MAPKAPK2: variants seen among roughly 807,000 people sequenced by gnomAD.
MAPKAPK2 encodes the protein MAP kinase-activated protein kinase 2.
Under a neutral mutation model 48.8 loss-of-function variants are expected in MAPKAPK2, and 9 were observed. That is an observed-to-expected ratio of 0.18 (90% CI 0.11 to 0.32). The LOEUF is 0.32. Among genes scored for constraint, MAPKAPK2 ranks in the 10% least tolerant of loss-of-function variants. MAPKAPK2 has a pLI of 1.00. For synonymous variants in MAPKAPK2, 202 were observed against 190.6 expected, an observed-to-expected ratio of 1.06 and a Z score of -0.49; for missense variants, 331 against 498.3, an observed-to-expected ratio of 0.66 and a Z score of 3.20.
chr1:206,732,736 C>T lies in MAPKAPK2; in HGVS notation c.*18C>T. On this transcript the variant is annotated 3_prime_UTR_variant, in exon 10 of 10. Transcript: ENST00000367103. The surrounding 1 kb of genome is among the most constrained non-coding windows in gnomAD (Gnocchi z 4.4). ...CCCACTGAGCCACCGCGCCCTCCTG[C>T]CCACGGGAGGACAAGCAATAACTCT... 6.2e-7 allele frequency: 1 copy of T among 1,613,482 alleles called. No homozygotes were observed. Among genetic ancestry groups the T allele is most frequent in the Non-Finnish European group, 8.5e-7 (1 of 1,179,698 alleles).
chr1:206,716,748 C>T (rs782753943), intron 1 of MAPKAPK2, among the ~76,000 whole-genome samples: 7 of 151,934 alleles, frequency 4.6e-5, no homozygotes, highest in Non-Finnish European at 8.8e-5. Flanking sequence ...GACCTCCTTC[C>T]GTCTTACTTT....
At chr1:206,725,806 C>G (rs935338469) in intron 1 of MAPKAPK2, among the ~76,000 whole-genome samples, 42 of 152,106 alleles carry the variant, frequency 2.8e-4, no homozygotes, top group African/African-American at 9.7e-4. Flanking sequence ...AAACCTTGTT[C>G]CTCCTGAACC....
At chr1:206,685,951 G>C (rs1672275482) in intron 1 of MAPKAPK2, among the ~76,000 whole-genome samples, 1 of 152,166 alleles carries the variant, frequency 6.6e-6, no homozygotes, top group Non-Finnish European at 1.5e-5. Flanking sequence ...GGTTGGTTTG[G>C]AGAAGTCGGA....
At chr1:206,713,709 A>G (rs1553429881) in intron 1 of MAPKAPK2, among the ~76,000 whole-genome samples, 2 of 152,148 alleles carry the variant, frequency 1.3e-5, no homozygotes, top group Admixed American at 1.3e-4. Context: ...CTACCAAAAA[A>G]TAAAAAGTTA....
chr1:206,700,382 A>G (rs1553427738), intron 1 of MAPKAPK2, among the ~76,000 whole-genome samples: 1 of 152,150 alleles, frequency 6.6e-6, no homozygotes, highest in Non-Finnish European at 1.5e-5. Context: ...GTGGTTCCTG[A>G]TTCCCACCTG....
At chr1:206,711,941 TGTTTA>T (rs1169459571) in intron 1 of MAPKAPK2, among the ~76,000 whole-genome samples, 1 of 152,196 alleles carries the variant, frequency 6.6e-6, no homozygotes, top group Non-Finnish European at 1.5e-5. Context: ...TATTAACAGC[TGTTTA>T]GTTTATTTCC....
chr1:206,725,583 A>G (rs550082255), intron 1 of MAPKAPK2, among the ~76,000 whole-genome samples: 5 of 152,328 alleles, frequency 3.3e-5, no homozygotes, highest in Admixed American at 3.3e-4. Context: ...TCCTAAATGC[A>G]TGTGGCACAG....
intron 1 of MAPKAPK2, among the ~76,000 whole-genome samples, chr1:206,706,953 A>G (rs1553428669): frequency 6.6e-6 from 1 of 151,276 alleles, no homozygotes; most frequent in Admixed American, 6.6e-5. Context: ...CTCTCCCCTC[A>G]CCTGTCATTC....
At position 206,691,482 on chromosome 1, in the gene MAPKAPK2, GATATATAT is replaced by G. The variant is rs56752335; in HGVS notation, c.279+5990_279+5997del. On this transcript the variant is annotated intron_variant, in intron 1 of 9. Transcript: ENST00000367103. Reference sequence around the variant, plus strand: ...AAAATACTGGTATTTTGTATTTTAAGATATATATATATATATATATATACACACATACA... The same window carrying G: ...AAAATACTGGTATTTTGTATTTTAAGATATATATATATATACACACATACA... Among the ~76,000 whole-genome samples the G allele has an allele frequency of 6.0e-4, 46 of 77,296 alleles. 4 individuals are homozygous for G. The highest frequency in any genetic ancestry group is 6.1e-3 in the Middle Eastern group (1 of 164). 50.7% of individuals were successfully genotyped at this position (77,296 alleles called of 152,430 possible).
At chr1:206,712,999 C>CACACACAT (rs1673207577) in intron 1 of MAPKAPK2, among the ~76,000 whole-genome samples, 1 of 151,642 alleles carries the variant, frequency 6.6e-6, no homozygotes, top group Non-Finnish European at 1.5e-5. Context: ...CACACACACA[C>CACACACAT]ACACACTAAT....
chr1:206,698,311 A>G lies in MAPKAPK2; in HGVS notation c.279+12803A>G, dbSNP rs114807512. Among the ~76,000 whole-genome samples, 786 of 152,336 alleles carry G rather than the reference A, an allele frequency of 5.2e-3. 5 individuals are homozygous for G. The highest frequency in any genetic ancestry group is 0.018 in the African/African-American group (737 of 41,572). ...TTTAGACCCCTTTAATACCTCTGCT[A>G]TATGAGATGAGAAGAATTTAGAACA... On this transcript the variant is annotated intron_variant, in intron 1 of 9. Transcript: ENST00000367103.
intron 1 of MAPKAPK2, among the ~76,000 whole-genome samples, chr1:206,713,028 GTTC>G (rs1673209707): frequency 6.8e-6 from 1 of 146,826 alleles, no homozygotes; most frequent in South Asian, 2.1e-4. Context: ...CACTGAAGTT[GTTC>G]TTTGGGTTTA....
chr1:206,692,270 G>T (rs1672486157), intron 1 of MAPKAPK2, among the ~76,000 whole-genome samples: 1 of 152,206 alleles, frequency 6.6e-6, no homozygotes, highest in African/African-American at 2.4e-5. Context: ...ATGGATTAGG[G>T]GTTGTTCTTA....
Position 206,732,339 on chromosome 1 carries a change from G to A in MAPKAPK2, c.1060-236G>A. Reference sequence around the variant, plus strand: ...TTCCTCCTATCCTGCGGGATCACTGGGGGGCTCTCAGGGAACAGCAGCAGT... The same window carrying A: ...TTCCTCCTATCCTGCGGGATCACTGAGGGGCTCTCAGGGAACAGCAGCAGT... On this transcript the variant is annotated intron_variant, in intron 9 of 9. Transcript: ENST00000367103. The surrounding 1 kb of genome is among the most constrained non-coding windows in gnomAD (Gnocchi z 4.4). 1.4e-6 allele frequency: 2 copies of A among 1,443,754 alleles called. No individual in the cohort carries two copies. Among genetic ancestry groups the A allele is most frequent in the East Asian group, 2.5e-5 (1 of 40,252 alleles). The allele number at this position is 1,443,754 out of a possible 1,614,324, so 89.4% of individuals were successfully genotyped here.
chr1:206,696,867 G>A (rs559156193), intron 1 of MAPKAPK2, among the ~76,000 whole-genome samples: 1 of 152,284 alleles, frequency 6.6e-6, no homozygotes, highest in Non-Finnish European at 1.5e-5. Context: ...CCTGGGAGTG[G>A]GATAGTACTG....
intron 1 of MAPKAPK2, 52 bp from the exon 2 acceptor site, chr1:206,728,658 A>G: frequency 6.3e-7 from 1 of 1,583,570 alleles, no homozygotes. Context: ...CCAGGGGCTT[A>G]GAGCAGGCCC....
At position 206,709,862 on chromosome 1, in the gene MAPKAPK2, C is replaced by G. The variant is rs186700235; in HGVS notation, c.280-18848C>G. Among the ~76,000 whole-genome samples, 21 of 152,240 alleles carry G rather than the reference C, an allele frequency of 1.4e-4. No individual in the cohort carries two copies. In the East Asian group the frequency reaches 3.7e-3, roughly 27 times the overall value. ...GCCTCTACCCACTTGATGCCAGTTG[C>G]AACCATCTATCTACCCATGCCCCCA... On this transcript the variant is annotated intron_variant, in intron 1 of 9. Coordinates refer to ENST00000367103, the MANE Select transcript of MAPKAPK2 (RefSeq NM_032960.4).
At chr1:206,712,234 C>A (rs12127517) in intron 1 of MAPKAPK2, among the ~76,000 whole-genome samples, 30,136 of 152,018 alleles carry the variant, frequency 0.2, 3,119 homozygotes, top group Middle Eastern at 0.31. Flanking sequence ...GAGTCAGGTA[C>A]AATTCTAAGT....
At chr1:206,708,355 C>T (rs2102394112) in intron 1 of MAPKAPK2, among the ~76,000 whole-genome samples, 1 of 152,166 alleles carries the variant, frequency 6.6e-6, no homozygotes, top group East Asian at 1.9e-4. Context: ...TATTATGAAA[C>T]ATTTCAGATG....
Sources: gnomAD v4.1 joint callset for allele counts (sites outside exome capture counted in the v4.1 genomes callset) on GRCh38, gnomAD v4.1.1 for gene constraint, Gnocchi (gnomAD v3.1) non-coding constraint, MANE v1.5 for transcripts, NCBI Gene and HGNC (gene_info 2026-07-23, HGNC 2026-07-21) for gene names.